GRM5: variants seen among roughly 807,000 people sequenced by gnomAD.
The protein encoded by GRM5 is metabotropic glutamate receptor 5.
Under a neutral mutation model 83.1 loss-of-function variants are expected in GRM5, and 19 were observed. The observed-to-expected ratio is 0.23, with a 90% confidence interval of 0.16 to 0.34. The LOEUF (loss-of-function observed/expected upper bound fraction) is 0.34. Among genes scored for constraint, GRM5 ranks in the 10% least tolerant of loss-of-function variants. The pLI, the probability that GRM5 is intolerant of heterozygous loss-of-function variation, is 1.00. For synonymous variants in GRM5, 675 were observed against 633.6 expected (o/e 1.07, Z -0.98); for missense variants, 1,160 against 1,588.3 (o/e 0.73, Z 4.58).
chr11:89,060,151 C>A (rs11018448), intron 1 of GRM5, among the ~76,000 whole-genome samples: 7,651 of 151,938 alleles, frequency 0.05, 329 homozygotes, highest in African/African-American at 0.12. Flanking sequence ...AGTAAAGCAG[C>A]TCAAAACAAA....
chr11:88,649,601 T>C (rs969313724), intron 4 of GRM5, among the ~76,000 whole-genome samples: 1 of 149,620 alleles, frequency 6.7e-6, no homozygotes, highest in Non-Finnish European at 1.5e-5. Context: ...AACTTCTCAA[T>C]GAAATCACAA....
Position 88,765,057 on chromosome 11 carries a change from AGAGT to A in GRM5, c.911+84845_911+84848del, listed in dbSNP as rs1389426563. Among the ~76,000 whole-genome samples the A allele has an allele frequency of 6.6e-5, 10 of 151,556 alleles. 1 individual carries two copies. The highest frequency in any genetic ancestry group is 2.4e-4 in the African/African-American group (10 of 41,388). The stretch of plus-strand genomic sequence containing the variant: ...TCTAGGGAAATAAAAAGGATTATAA[AGAGT>A]ATTATGAATAATTGTACAGTAACAA... On this transcript the variant is annotated intron_variant, in intron 3 of 9. Coordinates refer to ENST00000305447, the MANE Select transcript of GRM5 (RefSeq NM_001143831.3).
At chr11:88,819,459 A>G (rs900459271) in intron 3 of GRM5, among the ~76,000 whole-genome samples, 2 of 152,246 alleles carry the variant, frequency 1.3e-5, no homozygotes, top group Non-Finnish European at 2.9e-5. Context: ...TCACATATTT[A>G]TATAACCTTA....
intron 2 of GRM5, among the ~76,000 whole-genome samples, chr11:88,940,258 C>T (rs547118611): frequency 2.0e-5 from 3 of 149,040 alleles, no homozygotes; most frequent in African/African-American, 7.3e-5. Flanking sequence ...TTAAGTGGCC[C>T]ATTTTTTTCC....
At chr11:88,710,108 A>G (rs1186987370) in intron 3 of GRM5, among the ~76,000 whole-genome samples, 1 of 152,144 alleles carries the variant, frequency 6.6e-6, no homozygotes, top group Non-Finnish European at 1.5e-5. Context: ...CCTCAGTGCA[A>G]TCTAAGAGGT....
intron 2 of GRM5, among the ~76,000 whole-genome samples, chr11:88,859,418 A>G (rs1944526794): frequency 6.6e-6 from 1 of 152,118 alleles, no homozygotes; most frequent in South Asian, 2.1e-4. Context: ...CATCCTCAAC[A>G]TTTATCTAGA....
At chr11:88,596,898 C>A (rs1054526370) in intron 6 of GRM5, among the ~76,000 whole-genome samples, 3 of 151,936 alleles carry the variant, frequency 2.0e-5, no homozygotes, top group Non-Finnish European at 2.9e-5. Context: ...GAATTAGTGT[C>A]TTTTCTAACT....
chr11:88,518,246 A>T (rs1469331550), intron 9 of GRM5, among the ~76,000 whole-genome samples: 1 of 152,146 alleles, frequency 6.6e-6, no homozygotes, highest in East Asian at 1.9e-4. Context: ...ATAATTAGAA[A>T]TCTGGTTAAT....
At chr11:88,549,443 G>GAA (rs796741502) in intron 8 of GRM5, among the ~76,000 whole-genome samples, 2 of 111,346 alleles carry the variant, frequency 1.8e-5, no homozygotes, top group East Asian at 2.6e-4. Context: ...TTGTCTCAAA[G>GAA]AAAAAAAAAA....
intron 3 of GRM5, among the ~76,000 whole-genome samples, chr11:88,765,020 A>C (rs1942600785): frequency 6.6e-6 from 1 of 151,498 alleles, no homozygotes; most frequent in African/African-American, 2.4e-5. Flanking sequence ...AAGTGGAGAC[A>C]TGATGAAAAA....
chr11:88,614,096 C>A (rs1938403811), intron 4 of GRM5, among the ~76,000 whole-genome samples: 1 of 152,152 alleles, frequency 6.6e-6, no homozygotes, highest in Admixed American at 6.5e-5. Flanking sequence ...TATCAGAGTT[C>A]AGCAGTACAT....
At chr11:88,880,263 C>A (rs1255866663) in intron 2 of GRM5, among the ~76,000 whole-genome samples, 1 of 151,752 alleles carries the variant, frequency 6.6e-6, no homozygotes, top group Non-Finnish European at 1.5e-5. Context: ...ATGTGAAGAG[C>A]AAGCAATGCG....
intron 2 of GRM5, among the ~76,000 whole-genome samples, chr11:88,987,919 A>G (rs1414671722): frequency 6.6e-6 from 1 of 150,780 alleles, no homozygotes; most frequent in Admixed American, 6.6e-5. Flanking sequence ...AAAAAACAGA[A>G]CAGAAAAACT....
At chr11:88,837,822 C>T (rs1944118744) in intron 3 of GRM5, among the ~76,000 whole-genome samples, 1 of 152,074 alleles carries the variant, frequency 6.6e-6, no homozygotes, top group Non-Finnish European at 1.5e-5. Context: ...CGGTGGCTCA[C>T]GCCTGTAATC....
intron 4 of GRM5, among the ~76,000 whole-genome samples, chr11:88,624,034 G>A (rs1938716942): frequency 6.6e-6 from 1 of 152,184 alleles, no homozygotes; most frequent in Non-Finnish European, 1.5e-5. Flanking sequence ...AATTATTTAA[G>A]TTCCAATTCA....
intron 2 of GRM5, among the ~76,000 whole-genome samples, chr11:88,987,380 T>C (rs1195012990): frequency 1.3e-5 from 2 of 151,920 alleles, no homozygotes; most frequent in East Asian, 1.9e-4. Flanking sequence ...GTCTCACTGA[T>C]TGCTAGCACA....
At chr11:88,606,646 G>A in intron 4 of GRM5, among the ~76,000 whole-genome samples, 1 of 152,154 alleles carries the variant, frequency 6.6e-6, no homozygotes, top group South Asian at 2.1e-4. Flanking sequence ...GACCAATCTG[G>A]CTACATTGTG....
At chr11:88,706,010 A>G (rs1941148775) in intron 3 of GRM5, among the ~76,000 whole-genome samples, 1 of 152,056 alleles carries the variant, frequency 6.6e-6, no homozygotes, top group African/African-American at 2.4e-5. Flanking sequence ...CATTGTACCA[A>G]TGAAGAAACT....
At chr11:88,678,460 A>G (rs999977244) in intron 3 of GRM5, among the ~76,000 whole-genome samples, 3 of 152,102 alleles carry the variant, frequency 2.0e-5, no homozygotes, top group Non-Finnish European at 4.4e-5. Context: ...TCTGCTCACC[A>G]TCAGTACTCA....
Sources: gnomAD v4.1 joint callset for allele counts (sites outside exome capture counted in the v4.1 genomes callset) on GRCh38, gnomAD v4.1.1 for gene constraint, MANE v1.5 for transcripts, NCBI Gene and HGNC (gene_info 2026-07-23, HGNC 2026-07-21) for gene names.